The following C19orf38 variants were observed in gnomAD, a reference collection of about 807,000 sequenced individuals.
The protein encoded by C19orf38 is chromosome 19 open reading frame 38.
C19orf38 carries 14 observed loss-of-function variants against 26.6 expected under a neutral mutation model. That is an observed-to-expected ratio of 0.53 (90% CI 0.35 to 0.82). The LOEUF (loss-of-function observed/expected upper bound fraction) is 0.82, where lower values mean the gene tolerates loss of function less well. C19orf38 is among the 40% of genes least tolerant of loss of function. C19orf38 has a pLI of 0.01. For synonymous variants in C19orf38, 132 were observed against 128.5 expected, an observed-to-expected ratio of 1.03 and a Z score of -0.18; for missense variants, 261 against 299.5, an observed-to-expected ratio of 0.87 and a Z score of 0.95.
intron 6 of C19orf38, among the ~76,000 whole-genome samples, chr19:10,867,641 CTTTTTTT>C (rs953156656): frequency 6.8e-5 from 4 of 58,826 alleles, no homozygotes; most frequent in African/African-American, 2.0e-4. Context: ...GAAGAACATT[CTTTTTTT>C]TTTTTTTTTT....
At chr19:10,848,767 T>G (rs1320289312) in intron 1 of C19orf38, among the ~76,000 whole-genome samples, 1 of 151,964 alleles carries the variant, frequency 6.6e-6, no homozygotes, top group Non-Finnish European at 1.5e-5. Context: ...ATATCAGAAA[T>G]ATCACCCCTC....
rs2073785187 is a variant in C19orf38, at chr19:10,869,664, G to T, written c.*297G>T. 2.5e-6 allele frequency: 1 copy of T among 398,532 alleles called. No individual in the cohort carries two copies. Among genetic ancestry groups the T allele is most frequent in the African/African-American group, 2.1e-5 (1 of 48,064 alleles). 24.7% of individuals were successfully genotyped at this position (398,532 alleles called of 1,614,324 possible). A position where few individuals can be genotyped will look rare whatever the true frequency, so the allele number is the denominator to read the frequency against. On this transcript the variant is annotated 3_prime_UTR_variant, in exon 7 of 7. Transcript: ENST00000397820. ...CCAGCTGGGCCATAAGACGTCCCAG[G>T]TCTCTGCACACCCGTGGAATTCCTC...
intron 2 of C19orf38, among the ~76,000 whole-genome samples, chr19:10,854,188 G>A (rs894151717): frequency 2.0e-5 from 3 of 151,258 alleles, no homozygotes; most frequent in East Asian, 1.9e-4. Flanking sequence ...TCAGCCTCCC[G>A]AGTAGCTGGG....
At chr19:10,847,369 C>CTTTTTTT (rs918277367), upstream of C19orf38, among the ~76,000 whole-genome samples, 4 of 125,936 alleles carry the variant, frequency 3.2e-5, no homozygotes, top group Admixed American at 8.1e-5. Flanking sequence ...GTCCACTGCT[C>CTTTTTTT]TTTTTTTTTT....
At chr19:10,858,940 T>G (rs965172057) in intron 4 of C19orf38, among the ~76,000 whole-genome samples, 1 of 150,214 alleles carries the variant, frequency 6.7e-6, no homozygotes, top group Non-Finnish European at 1.5e-5. Flanking sequence ...ATATATGTTT[T>G]TTTTTTTTTT....
upstream of C19orf38, among the ~76,000 whole-genome samples, chr19:10,844,707 G>A (rs1370595269): frequency 6.6e-6 from 1 of 151,782 alleles, no homozygotes; most frequent in Non-Finnish European, 1.5e-5. Context: ...AATTAGCCGG[G>A]CGTGGTGGCG....
At chr19:10,856,610 TCTC>T (rs2079432234) in intron 3 of C19orf38, among the ~76,000 whole-genome samples, 1 of 151,696 alleles carries the variant, frequency 6.6e-6, no homozygotes, top group South Asian at 2.1e-4. Context: ...TTCAAGCAAT[TCTC>T]CTGCCTCAGC....
intron 1 of C19orf38, among the ~76,000 whole-genome samples, chr19:10,839,233 C>A (rs1029090664): frequency 1.6e-4 from 24 of 152,092 alleles, no homozygotes; most frequent in Non-Finnish European, 4.4e-5. Context: ...AGTTCCTGTA[C>A]ACGTGGTAGC....
chr19:10,861,785 C>G (rs886776070), intron 5 of C19orf38, among the ~76,000 whole-genome samples: 1 of 151,766 alleles, frequency 6.6e-6, no homozygotes, highest in Non-Finnish European at 1.5e-5. Context: ...ACCATGTTGG[C>G]CTGGCTGGTC....
intron 6 of C19orf38, among the ~76,000 whole-genome samples, chr19:10,864,849 G>A (rs917336142): frequency 2.6e-5 from 4 of 152,188 alleles, no homozygotes; most frequent in Non-Finnish European, 5.9e-5. Flanking sequence ...GGTCAGGAGT[G>A]TGGAGTCAGC....
intron 5 of C19orf38, among the ~76,000 whole-genome samples, chr19:10,861,444 A>G (rs1453836098): frequency 2.6e-5 from 4 of 152,240 alleles, no homozygotes; most frequent in African/African-American, 7.2e-5. Flanking sequence ...ACTATGTGCT[A>G]AGATCTGAGA....
chr19:10,863,252 T>C, intron 6 of C19orf38, 45 bp downstream of exon 6: 1 of 1,539,492 alleles, frequency 6.5e-7, no homozygotes. Flanking sequence ...CTGACCGTCC[T>C]ACCGGGAGAA....
At position 10,858,327 on chromosome 19, in the gene C19orf38, A is replaced by T; in HGVS notation, c.445A>T (p.Asn149Tyr). Residue 149 changes from asparagine to tyrosine, a missense_variant, in exon 4 of 7, where the codon AAT becomes TAT. By Grantham distance (143) the Asn-to-Tyr change is moderately radical (BLOSUM62 -2). Transcript: ENST00000397820. ...CTTTTTTGTTCCAGTTAAACTCAGA[A>T]ATTTACAGAAGAAAAGGTGAGATCA... ...ALVVRKVKLR[N>Y]LQKKRDRESC... 5 of 1,549,520 alleles carry T rather than the reference A, an allele frequency of 3.2e-6. No individual in the cohort carries two copies. Among genetic ancestry groups the T allele is most frequent in the Non-Finnish European group, 4.4e-6 (5 of 1,145,524 alleles).
At chr19:10,863,246 C>A in intron 6 of C19orf38, 39 bp downstream of exon 6, 1 of 1,543,642 alleles carries the variant, frequency 6.5e-7, no homozygotes, top group Non-Finnish European at 8.8e-7. Flanking sequence ...TTTCTGCTGA[C>A]CGTCCTACCG....
At chr19:10,843,402 T>C (rs35359031) in intron 1 of C19orf38, among the ~76,000 whole-genome samples, 151 of 152,324 alleles carry the variant, frequency 9.9e-4, no homozygotes, top group African/African-American at 3.2e-3. Flanking sequence ...CCACTATCAA[T>C]ATCAATCAGA....
chr19:10,869,668 C>T lies in C19orf38; in HGVS notation c.*301C>T. On this transcript the variant is annotated 3_prime_UTR_variant, in exon 7 of 7. Transcript: ENST00000397820. Reference sequence around the variant, plus strand: ...CTGGGCCATAAGACGTCCCAGGTCTCTGCACACCCGTGGAATTCCTCCCTT... The same window carrying T: ...CTGGGCCATAAGACGTCCCAGGTCTTTGCACACCCGTGGAATTCCTCCCTT... 2 of 371,224 alleles carry T rather than the reference C, an allele frequency of 5.4e-6. No individual in the cohort carries two copies. The highest frequency in any genetic ancestry group is 4.8e-6 in the Non-Finnish European group (1 of 207,094). 23.0% of individuals were successfully genotyped at this position (371,224 alleles called of 1,614,324 possible).
chr19:10,864,585 G>A (rs144827187), intron 6 of C19orf38, among the ~76,000 whole-genome samples: 2 of 152,302 alleles, frequency 1.3e-5, no homozygotes, highest in East Asian at 3.9e-4. Flanking sequence ...GCACACAGGC[G>A]CCCTCTGGTG....
At chr19:10,842,414 C>T (rs1428778877) in intron 1 of C19orf38, among the ~76,000 whole-genome samples, 3 of 152,090 alleles carry the variant, frequency 2.0e-5, no homozygotes, top group Admixed American at 2.0e-4. Context: ...GTGCCCGCCA[C>T]CATGCCTGGC....
upstream of C19orf38, chr19:10,848,267 C>T (rs1341371235): frequency 1.9e-6 from 1 of 524,212 alleles, no homozygotes; most frequent in Non-Finnish European, 3.5e-6. Context: ...CCCCTCTAAT[C>T]TGCAGAACCG....
Sources: allele counts gnomAD v4.1 joint callset (sites outside exome capture counted in the v4.1 genomes callset), GRCh38; gene constraint gnomAD v4.1.1; transcripts MANE v1.5; gene names NCBI Gene and HGNC (gene_info 2026-07-23, HGNC 2026-07-21).